The following TSHZ1 variants were observed in gnomAD, a reference collection of about 807,000 sequenced individuals.
TSHZ1 encodes the protein teashirt homolog 1.
In TSHZ1, 12 loss-of-function variants were observed where a neutral mutation model predicts 67.1. The observed-to-expected ratio is 0.18, with a 90% CI of 0.11 to 0.29. The LOEUF is 0.29. Among genes scored for constraint, TSHZ1 ranks in the 10% least tolerant of loss-of-function variants. The pLI is 1.00. For synonymous variants in TSHZ1, 632 were observed against 622.4 expected, an observed-to-expected ratio of 1.02 and a Z score of -0.23; for missense variants, 1,305 against 1,413.9, an observed-to-expected ratio of 0.92 and a Z score of 1.23.
chr18:75,216,509 A>G lies in TSHZ1; in HGVS notation c.40+4593A>G, dbSNP rs147761068. Among the ~76,000 whole-genome samples the G allele has an allele frequency of 5.4e-3, 818 of 152,290 alleles. 9 individuals are homozygous for G. The highest frequency in any genetic ancestry group is 0.016 in the Admixed American group (243 of 15,304). ...GGAATACATTCCAGAAAGTTTCTGT[A>G]GTATCTATACAGGCCGATAACGAAA... On this transcript the variant is annotated intron_variant, in intron 1 of 1. Transcript: ENST00000580243.
chr18:75,242,265 G>A (rs1394058197), intron 1 of TSHZ1, among the ~76,000 whole-genome samples: 1 of 152,190 alleles, frequency 6.6e-6, no homozygotes, highest in Non-Finnish European at 1.5e-5. Context: ...CTCACAGAGT[G>A]TCCTCTTGAC....
In TSHZ1 at chr18:75,248,833, C is replaced by T. The variant is rs532121733; in HGVS notation, c.41-36615C>T. Among the ~76,000 whole-genome samples, 15 of 152,322 alleles carry T rather than the reference C, an allele frequency of 9.8e-5. No homozygotes were observed. The South Asian group carries it at 1.7e-3, about 17-fold the overall frequency. On this transcript the variant is annotated intron_variant, in intron 1 of 1. Transcript: ENST00000580243. Reference sequence around the variant, plus strand: ...TTAATTACCCTCTGTGGTGTCTGCACGCTCTGCTAAGTCTTGTGTGGGGGA... The same window carrying T: ...TTAATTACCCTCTGTGGTGTCTGCATGCTCTGCTAAGTCTTGTGTGGGGGA...
At chr18:75,238,345 A>C (rs905243758) in intron 1 of TSHZ1, among the ~76,000 whole-genome samples, 2 of 152,102 alleles carry the variant, frequency 1.3e-5, no homozygotes, top group Admixed American at 1.3e-4. Context: ...GTAGACGTGT[A>C]GTAGAGTCGT....
intron 1 of TSHZ1, chr18:75,221,232 A>C (rs1866732): frequency 6.6e-6 from 1 of 152,210 alleles, no homozygotes; most frequent in South Asian, 2.1e-4. Flanking sequence ...GCACGAAGGC[A>C]TGGATCTATA....
intron 1 of TSHZ1, among the ~76,000 whole-genome samples, chr18:75,237,549 C>T (rs2023089794): frequency 6.6e-6 from 1 of 152,058 alleles, no homozygotes; most frequent in Non-Finnish European, 1.5e-5. Flanking sequence ...AGTCATATAT[C>T]TTACATGCAT....
At chr18:75,245,864 A>G (rs1041775337) in intron 1 of TSHZ1, among the ~76,000 whole-genome samples, 2 of 152,182 alleles carry the variant, frequency 1.3e-5, no homozygotes, top group African/African-American at 4.8e-5. Context: ...TGCCCACTCT[A>G]TGTACCATAA....
At chr18:75,256,475 T>C (rs1009532190) in intron 1 of TSHZ1, among the ~76,000 whole-genome samples, 6 of 152,196 alleles carry the variant, frequency 3.9e-5, no homozygotes, top group African/African-American at 1.4e-4. Flanking sequence ...AAATAAGATA[T>C]GATATCATTG....
intron 1 of TSHZ1, among the ~76,000 whole-genome samples, chr18:75,276,126 TA>T (rs2023611316): frequency 6.6e-6 from 1 of 152,238 alleles, no homozygotes; most frequent in South Asian, 2.1e-4. Context: ...TTAGTTTTCT[TA>T]TTCCCCACTT....
intron 1 of TSHZ1, among the ~76,000 whole-genome samples, chr18:75,212,802 C>G (rs2022716781): frequency 1.3e-5 from 2 of 152,186 alleles, no homozygotes; most frequent in South Asian, 4.1e-4. Flanking sequence ...CATTGCTAAA[C>G]CTGGGGTGGG....
At chr18:75,273,733 G>T (rs1412062150) in intron 1 of TSHZ1, among the ~76,000 whole-genome samples, 2 of 152,192 alleles carry the variant, frequency 1.3e-5, no homozygotes, top group African/African-American at 4.8e-5. Flanking sequence ...ATTTCATGTT[G>T]CTCAGGATGA....
intron 1 of TSHZ1, chr18:75,284,679 A>T (rs1217213291): frequency 6.6e-6 from 1 of 152,260 alleles, no homozygotes; most frequent in Non-Finnish European, 1.5e-5. Flanking sequence ...GCCTTCACCG[A>T]GCACTATGCC....
chr18:75,232,579 A>G (rs1306823697), intron 1 of TSHZ1, among the ~76,000 whole-genome samples: 2 of 152,284 alleles, frequency 1.3e-5, no homozygotes, highest in African/African-American at 4.8e-5. Flanking sequence ...TTTGACAGAT[A>G]GTTCTGCACA....
chr18:75,259,678 A>C (rs752685365), intron 1 of TSHZ1, among the ~76,000 whole-genome samples: 3 of 152,292 alleles, frequency 2.0e-5, no homozygotes, highest in Non-Finnish European at 4.4e-5. Flanking sequence ...TTAATCTCTT[A>C]CTGTGGCAAA....
intron 1 of TSHZ1, among the ~76,000 whole-genome samples, chr18:75,257,856 C>G (rs2023380599): frequency 6.6e-6 from 1 of 152,158 alleles, no homozygotes; most frequent in South Asian, 2.1e-4. Context: ...GCCTCATCTG[C>G]CTCAGTTTCT....
chr18:75,213,581 C>T (rs1402936726), intron 1 of TSHZ1, among the ~76,000 whole-genome samples: 1 of 151,094 alleles, frequency 6.6e-6, no homozygotes, highest in African/African-American at 2.4e-5. Flanking sequence ...CAAGGACAAA[C>T]AAAATGCTGA....
chr18:75,280,065 T>C (rs1441611672), intron 1 of TSHZ1, among the ~76,000 whole-genome samples: 3 of 152,254 alleles, frequency 2.0e-5, no homozygotes, highest in Non-Finnish European at 4.4e-5. Flanking sequence ...CTCTTTGTAC[T>C]GTGTATATAA....
At chr18:75,253,537 A>T (rs1006045074) in intron 1 of TSHZ1, among the ~76,000 whole-genome samples, 1 of 152,246 alleles carries the variant, frequency 6.6e-6, no homozygotes, top group African/African-American at 2.4e-5. Flanking sequence ...TTTGGGAAGC[A>T]GAAATTTTAC....
chr18:75,286,177 C>A lies in TSHZ1; in HGVS notation c.770C>A (p.Thr257Lys). ...AAAGACTGCAGTGCCGCGTACGACA[C>A]GCTGGTGGAACTGACGGTGCACATG... Reference protein sequence around the residue: ...RCKDCSAAYDTLVELTVHMNE... With the variant: ...RCKDCSAAYDKLVELTVHMNE... Residue 257 changes from threonine to lysine, a missense_variant, in exon 2 of 2, where the codon ACG becomes AAG. Thr to Lys is a moderately conservative substitution (Grantham distance 78). Transcript: ENST00000580243. This position sits in a 1 kb window ranked among gnomAD's most constrained non-coding sequence, Gnocchi z 5.1. 6.2e-7 allele frequency: 1 copy of A among 1,614,054 alleles called. No homozygotes were observed. Among genetic ancestry groups the A allele is most frequent in the Non-Finnish European group, 8.5e-7 (1 of 1,179,994 alleles).
chr18:75,287,258 C>G lies in TSHZ1; in HGVS notation c.1851C>G (p.His617Gln). 6.2e-7 allele frequency: 1 copy of G among 1,614,040 alleles called. No homozygotes were observed. Among genetic ancestry groups the G allele is most frequent in the Non-Finnish European group, 8.5e-7 (1 of 1,179,992 alleles). ...GGVKSLSSAE[H>Q]NALLHSPGSL... Reference sequence around the variant, plus strand: ...TGAAGTCGCTGTCTTCCGCCGAGCACAACGCCCTCCTGCACTCCCCAGGGA... The same window carrying G: ...TGAAGTCGCTGTCTTCCGCCGAGCAGAACGCCCTCCTGCACTCCCCAGGGA... Residue 617 changes from histidine to glutamine, a missense_variant, in exon 2 of 2, where the codon CAC (histidine) becomes CAG (glutamine). His to Gln is a conservative substitution (Grantham distance 24). Around this residue, in one of 3 missense-constraint regions of TSHZ1, gnomAD observed 909 missense variants for 961.8 expected, o/e 0.95. Transcript: ENST00000580243. This position sits in a 1 kb window ranked among gnomAD's most constrained non-coding sequence, Gnocchi z 5.0.
Sources: allele counts gnomAD v4.1 joint callset (sites outside exome capture counted in the v4.1 genomes callset), GRCh38; gene constraint gnomAD v4.1.1; regional missense constraint gnomAD v4.1.1; non-coding constraint Gnocchi (gnomAD v3.1); transcripts MANE v1.5; gene names NCBI Gene and HGNC (gene_info 2026-07-23, HGNC 2026-07-21).